The following LMO7 variants were observed in gnomAD, a reference collection of about 807,000 sequenced individuals.
LMO7 encodes the protein LIM domain 7, also known as LIM domain only protein 7.
In LMO7, 120 loss-of-function variants were observed where a neutral mutation model predicts 206.5. The ratio of observed to expected loss-of-function variants is 0.58; its 90% CI spans 0.50 to 0.68. The LOEUF (loss-of-function observed/expected upper bound fraction) is 0.68, where lower values mean the gene tolerates loss of function less well. LMO7 is among the 30% of genes least tolerant of loss of function. LMO7 has a pLI of 0.00. For synonymous variants in LMO7, 706 were observed against 681.5 expected (o/e 1.04, Z -0.56); for missense variants, 1,959 against 1,957.9 (o/e 1.00, Z -0.01).
intron 11 of LMO7, among the ~76,000 whole-genome samples, chr13:75,809,737 G>A (rs1004775659): frequency 2.0e-5 from 3 of 151,442 alleles, no homozygotes; most frequent in Admixed American, 6.6e-5. Flanking sequence ...GGAAAAAAAA[G>A]TTATAACATG....
intron 4 of LMO7, among the ~76,000 whole-genome samples, chr13:75,767,437 A>T (rs1359557700): frequency 6.6e-6 from 1 of 152,088 alleles, no homozygotes; most frequent in Non-Finnish European, 1.5e-5. Context: ...GTAATTTTTT[A>T]TGAGAAGTCA....
chr13:75,716,999 T>C (rs1371975509), intron 2 of LMO7, among the ~76,000 whole-genome samples: 1 of 151,570 alleles, frequency 6.6e-6, no homozygotes, highest in Admixed American at 6.6e-5. Flanking sequence ...CCTGGAATGA[T>C]CCCAAGTCTC....
At chr13:75,812,533 C>T (rs993156988) in intron 11 of LMO7, among the ~76,000 whole-genome samples, 1 of 152,192 alleles carries the variant, frequency 6.6e-6, no homozygotes, top group South Asian at 2.1e-4. Flanking sequence ...TCTTTTCGAT[C>T]CTTACTCCTT....
At chr13:75,760,521 G>A in intron 3 of LMO7, 3 of 1,277,328 alleles carry the variant, frequency 2.3e-6, no homozygotes, top group Non-Finnish European at 3.0e-6. Flanking sequence ...TTCTGGGTGG[G>A]TGAATGTCAG....
intron 4 of LMO7, among the ~76,000 whole-genome samples, chr13:75,781,844 T>C (rs1357649596): frequency 2.0e-5 from 3 of 152,192 alleles, no homozygotes; most frequent in Non-Finnish European, 4.4e-5. Context: ...TGGTATCTCA[T>C]TGTGGTTTTG....
intron 3 of LMO7, among the ~76,000 whole-genome samples, chr13:75,736,041 G>A (rs2045793906): frequency 6.6e-6 from 1 of 152,110 alleles, no homozygotes; most frequent in South Asian, 2.1e-4. Context: ...GTTGTTGTTG[G>A]CCAGTGGAGG....
chr13:75,821,991 CT>C (rs1477236450), intron 14 of LMO7, among the ~76,000 whole-genome samples: 3 of 150,828 alleles, frequency 2.0e-5, no homozygotes, highest in Non-Finnish European at 4.4e-5. Context: ...ATGGTTTAGC[CT>C]AGAGATTTTC....
chr13:75,750,653 T>C (rs1216237451), intron 3 of LMO7, among the ~76,000 whole-genome samples: 2 of 152,164 alleles, frequency 1.3e-5, no homozygotes, highest in Non-Finnish European at 2.9e-5. Flanking sequence ...TGCCTTGGCC[T>C]CCCAAAGTGC....
chr13:75,667,146 A>G (rs2039145242), intron 1 of LMO7, among the ~76,000 whole-genome samples: 2 of 152,178 alleles, frequency 1.3e-5, no homozygotes. Flanking sequence ...ATTCAAATCA[A>G]TGTACTCTGG....
chr13:75,717,467 A>G (rs1463458109), intron 2 of LMO7, among the ~76,000 whole-genome samples: 11 of 151,748 alleles, frequency 7.2e-5, no homozygotes, highest in Admixed American at 2.6e-4. Context: ...CAGGAGCAAG[A>G]TATTCACCCC....
At chr13:75,802,733 G>A (rs544465493) in intron 7 of LMO7, among the ~76,000 whole-genome samples, 2 of 152,170 alleles carry the variant, frequency 1.3e-5, no homozygotes, top group South Asian at 4.2e-4. Flanking sequence ...AACTAAGCGG[G>A]GAAAAAAAGC....
At chr13:75,651,423 C>T (rs1444753774) in intron 1 of LMO7, among the ~76,000 whole-genome samples, 1 of 151,954 alleles carries the variant, frequency 6.6e-6, no homozygotes, top group Non-Finnish European at 1.5e-5. Context: ...GATTCTCCTG[C>T]CTCAGCCTCC....
At chr13:75,671,647 T>C (rs1237166574) in intron 1 of LMO7, among the ~76,000 whole-genome samples, 1 of 152,204 alleles carries the variant, frequency 6.6e-6, no homozygotes, top group Non-Finnish European at 1.5e-5. Flanking sequence ...AAATCCTTGA[T>C]TAAAGATGAA....
At chr13:75,821,701 T>G (rs1809022079) in intron 14 of LMO7, 92 bp downstream of exon 14, 1 of 779,862 alleles carries the variant, frequency 1.3e-6, no homozygotes, top group African/African-American at 1.7e-5. Context: ...ACTTGATGTG[T>G]AAACTGTACA....
At chr13:75,843,896 T>C (rs2059755363) in intron 25 of LMO7, among the ~76,000 whole-genome samples, 1 of 151,984 alleles carries the variant, frequency 6.6e-6, no homozygotes, top group African/African-American at 2.4e-5. Flanking sequence ...GGGCTCAGAA[T>C]AAAAGGGGAA....
chr13:75,673,130 G>A (rs2139405910), intron 1 of LMO7, among the ~76,000 whole-genome samples: 1 of 152,222 alleles, frequency 6.6e-6, no homozygotes, highest in South Asian at 2.1e-4. Flanking sequence ...TAATTTAAGT[G>A]TGAGGCATGA....
In LMO7 at chr13:75,678,928, A is replaced by T. The variant is rs1251256064; in HGVS notation, c.70-34254A>T. Among the ~76,000 whole-genome samples the T allele has an allele frequency of 2.0e-5, 3 of 152,336 alleles. No homozygotes were observed. The East Asian group carries it at 5.8e-4, about 29-fold the overall frequency. Reference sequence around the variant, plus strand: ...ATTATCTGAAATCCATAGCTCTCTTAGAATTGGAAGTTTGGAAAAGACCTT... The same window carrying T: ...ATTATCTGAAATCCATAGCTCTCTTTGAATTGGAAGTTTGGAAAAGACCTT... On this transcript the variant is annotated intron_variant, in intron 1 of 30. Transcript: ENST00000377534.
chr13:75,849,853 T>C, intron 27 of LMO7, among the ~76,000 whole-genome samples: 1 of 152,216 alleles, frequency 6.6e-6, no homozygotes, highest in East Asian at 1.9e-4. Context: ...GCTACTCTGA[T>C]TCAGTATTTT....
intron 3 of LMO7, 172 bp from the exon 4 acceptor site, chr13:75,760,760 C>T (rs937943193): frequency 6.5e-7 from 1 of 1,536,972 alleles, no homozygotes; most frequent in African/African-American, 1.4e-5. Flanking sequence ...GACTGAAAGG[C>T]TGTACAAGCC....
Sources: allele counts gnomAD v4.1 joint callset (sites outside exome capture counted in the v4.1 genomes callset), GRCh38; gene constraint gnomAD v4.1.1; transcripts MANE v1.5; gene names NCBI Gene and HGNC (gene_info 2026-07-23, HGNC 2026-07-21).